The following CPEB1 variants were observed in gnomAD, a reference collection of about 807,000 sequenced individuals.
CPEB1 encodes cytoplasmic polyadenylation element binding protein 1.
A neutral mutation model predicts 65.8 loss-of-function variants in CPEB1; 7 were observed. That is an observed-to-expected ratio of 0.11 (90% confidence interval 0.06 to 0.20). The LOEUF (loss-of-function observed/expected upper bound fraction) is 0.20, where lower values mean the gene tolerates loss of function less well. Among genes scored for constraint, CPEB1 ranks in the 10% least tolerant of loss-of-function variants. The probability of loss-of-function intolerance (pLI) is 1.00; values close to 1 mark genes in which losing one functional copy is unlikely to be tolerated. For missense variants in CPEB1, 551 were observed against 712.2 expected, an observed-to-expected ratio of 0.77 and a Z score of 2.58; for synonymous variants, 262 against 260.0, an observed-to-expected ratio of 1.01 and a Z score of -0.08.
chr15:82,556,486 G>T (rs1278749308), intron 5 of CPEB1: 2 of 175,402 alleles, frequency 1.1e-5, no homozygotes, highest in Non-Finnish European at 2.4e-5. Flanking sequence ...CATATTTTGT[G>T]TTTTCTTTGG....
Position 82,557,950 on chromosome 15 carries a change from A to C in CPEB1, c.497T>G (p.Leu166Arg). 6.2e-7 allele frequency: 1 copy of C among 1,613,340 alleles called. No individual in the cohort carries two copies. The highest frequency in any genetic ancestry group is 8.5e-7 in the Non-Finnish European group (1 of 1,179,600). ...SMLHNPLGNV[L>R]GKPPLSFLPL... ...CAGGAAGCTCAAGGGGGGTTTTCCT[A>C]GGACATTTCCCAGTGGGTTATGGAG... Residue 166 changes from leucine (L) to arginine (R), a missense_variant, in exon 5 of 13, where the codon CTA becomes CGA. Leu to Arg is a moderately radical substitution (Grantham distance 102). Around this residue, in one of 6 missense-constraint regions of CPEB1, gnomAD observed 223 missense variants for 228.6 expected, o/e 0.98. Transcript: ENST00000684509.
At position 82,554,068 on chromosome 15, in the gene CPEB1, G is replaced by A. The variant is rs139567854; in HGVS notation, c.941-77C>T. On this transcript the variant is annotated intron_variant, in intron 6 of 12. Coordinates refer to ENST00000684509, the MANE Select transcript of CPEB1 (RefSeq NM_001365242.1). ...CCACACTCTTCCCTGGGGTGAACTT[G>A]TCCAGTAAGAACCTGACTGGCCACA... is the stretch of plus-strand genomic sequence containing the variant. 175 of 841,478 alleles carry A rather than the reference G, an allele frequency of 2.1e-4. No individual in the cohort carries two copies. The African/African-American group carries it at 2.8e-3, about 13-fold the overall frequency. 52.1% of individuals were successfully genotyped at this position (841,478 alleles called of 1,614,324 possible).
At chr15:82,546,385 G>T in intron 12 of CPEB1, 56 bp downstream of exon 12, 1 of 1,443,632 alleles carries the variant, frequency 6.9e-7, no homozygotes, top group Non-Finnish European at 9.7e-7. Flanking sequence ...GTGAACCACC[G>T]CGCCCAGCCA....
intron 3 of CPEB1, among the ~76,000 whole-genome samples, chr15:82,584,457 C>G (rs1414840821): frequency 1.3e-5 from 2 of 151,692 alleles, no homozygotes; most frequent in Non-Finnish European, 2.9e-5. Context: ...GTAGGTGGAT[C>G]ACTTGAGGTC....
intron 3 of CPEB1, among the ~76,000 whole-genome samples, chr15:82,580,652 TG>T (rs2041192265): frequency 6.6e-6 from 1 of 152,198 alleles, no homozygotes. Context: ...GCTAAAATTT[TG>T]TACCATTAGA....
At chr15:82,582,737 CTTTT>C (rs11300517) in intron 3 of CPEB1, among the ~76,000 whole-genome samples, 3 of 87,396 alleles carry the variant, frequency 3.4e-5, no homozygotes, top group Non-Finnish European at 2.1e-5. Flanking sequence ...ACTAGGAGTT[CTTTT>C]TTTTTTTTTT....
chr15:82,600,964 G>A (rs754796488), intron 3 of CPEB1, among the ~76,000 whole-genome samples: 1 of 145,622 alleles, frequency 6.9e-6, no homozygotes, highest in Non-Finnish European at 1.5e-5. Flanking sequence ...GAGTGCAGTG[G>A]CGCAACCTCC....
chr15:82,571,294 C>T (rs1332018505), intron 4 of CPEB1, 50 bp downstream of exon 4: 7 of 1,573,282 alleles, frequency 4.4e-6, no homozygotes, highest in Non-Finnish European at 6.0e-6. Flanking sequence ...TCTTCGTTCA[C>T]CACCCCCATG....
intron 3 of CPEB1, among the ~76,000 whole-genome samples, chr15:82,610,364 G>A (rs754334177): frequency 8.5e-5 from 13 of 152,104 alleles, no homozygotes; most frequent in Non-Finnish European, 1.9e-4. Flanking sequence ...CAGTCATGAA[G>A]CAAGTATTTC....
At chr15:82,631,537 A>T (rs561623703) in intron 1 of CPEB1, among the ~76,000 whole-genome samples, 1 of 152,212 alleles carries the variant, frequency 6.6e-6, no homozygotes, top group Non-Finnish European at 1.5e-5. Context: ...GAATTAATGC[A>T]CATAAAGTAC....
chr15:82,561,271 G>C (rs527467683), intron 4 of CPEB1, among the ~76,000 whole-genome samples: 1 of 152,304 alleles, frequency 6.6e-6, no homozygotes, highest in African/African-American at 2.4e-5. Flanking sequence ...TAAACAATGA[G>C]ATTTTCAGAG....
chr15:82,593,274 A>C (rs930459663), intron 3 of CPEB1, among the ~76,000 whole-genome samples: 5 of 152,224 alleles, frequency 3.3e-5, no homozygotes, highest in Non-Finnish European at 5.9e-5. Flanking sequence ...CAATCCTCTC[A>C]AACTCTGCCT....
rs964137680 is a variant in CPEB1 at position 82,611,911 on chromosome 15, C to CA, written c.271+15281dup. Reference sequence around the variant, plus strand: ...TTAAAAAAAAGATTAGTAACACAGACAAAAAAAAGCAAACGTAATGTTAAG... The same window carrying CA: ...TTAAAAAAAAGATTAGTAACACAGACAAAAAAAAAGCAAACGTAATGTTAAG... On this transcript the variant is annotated intron_variant, in intron 3 of 12. Transcript: ENST00000684509. 2.0e-4 allele frequency among the ~76,000 whole-genome samples: 30 copies of CA among 150,602 alleles called. No individual in the cohort carries two copies. In the East Asian group the frequency reaches 3.3e-3, roughly 17 times the overall value.
At chr15:82,646,457 G>A (rs758037125) in intron 1 of CPEB1, among the ~76,000 whole-genome samples, 11 of 152,156 alleles carry the variant, frequency 7.2e-5, no homozygotes, top group Non-Finnish European at 1.2e-4. Flanking sequence ...CAGGCGCGGG[G>A]CGGGGGAGGA....
At chr15:82,580,472 C>T (rs1379219673) in intron 3 of CPEB1, among the ~76,000 whole-genome samples, 1 of 152,022 alleles carries the variant, frequency 6.6e-6, no homozygotes, top group Non-Finnish European at 1.5e-5. Flanking sequence ...AATGTAGATA[C>T]CAAGTTAAAT....
chr15:82,546,375 G>T, intron 12 of CPEB1, 66 bp downstream of exon 12: 1 of 1,325,678 alleles, frequency 7.5e-7, no homozygotes, highest in Non-Finnish European at 1.1e-6. Context: ...GATTACAGGT[G>T]TGAACCACCG....
intron 3 of CPEB1, among the ~76,000 whole-genome samples, chr15:82,591,736 A>G (rs2042270106): frequency 6.6e-6 from 1 of 151,896 alleles, no homozygotes; most frequent in Non-Finnish European, 1.5e-5. Flanking sequence ...GTCTCTACAG[A>G]TTTACCTATT....
At chr15:82,629,205 G>A (rs2046027937) in intron 1 of CPEB1, 1 of 931,238 alleles carries the variant, frequency 1.1e-6, no homozygotes, top group South Asian at 5.0e-5. Context: ...CCCCATTTGT[G>A]AAATGGAAAA....
At position 82,594,466 on chromosome 15, in the gene CPEB1, G is replaced by A. The variant is rs186722164; in HGVS notation, c.272-22934C>T. ...TTCCTCACCTCTCTCAGCCTTCTCA[G>A]AAGAGTGTTAGGGCCTTCCTCTGGA... On this transcript the variant is annotated intron_variant, in intron 3 of 12. Transcript: ENST00000684509. Among the ~76,000 whole-genome samples the A allele has an allele frequency of 1.1e-4, 17 of 152,336 alleles. No individual in the cohort carries two copies. The East Asian group carries it at 3.3e-3, about 29-fold the overall frequency.
Sources: allele counts gnomAD v4.1 joint callset (sites outside exome capture counted in the v4.1 genomes callset), GRCh38; gene constraint gnomAD v4.1.1; regional missense constraint gnomAD v4.1.1; transcripts MANE v1.5; gene names NCBI Gene and HGNC (gene_info 2026-07-23, HGNC 2026-07-21).